Variants in SIN3A observed in about 807,000 individuals in gnomAD.
SIN3A encodes SIN3 transcription regulator family member A.
A neutral mutation model predicts 146.1 loss-of-function variants in SIN3A; 14 were observed. That is an observed-to-expected ratio of 0.10 (90% confidence interval 0.06 to 0.15). The LOEUF (loss-of-function observed/expected upper bound fraction) is 0.15. Among genes scored for constraint, SIN3A ranks in the 10% least tolerant of loss-of-function variants. The pLI is 1.00. For missense variants in SIN3A, 1,028 were observed against 1,576.0 expected, an observed-to-expected ratio of 0.65 and a Z score of 5.89; for synonymous variants, 572 against 572.0, an observed-to-expected ratio of 1.00 and a Z score of 0.00.
Position 75,412,939 on chromosome 15 carries a change from C to T in SIN3A, c.580G>A (p.Val194Met). The T allele has an allele frequency of 6.2e-7, 1 of 1,613,998 alleles. No homozygotes were observed. The highest frequency in any genetic ancestry group is 8.5e-7 in the Non-Finnish European group (1 of 1,180,006). Residue 194 changes from valine to methionine, a missense_variant, in exon 5 of 21, where the codon GTG becomes ATG. This residue lies in a region of SIN3A where 112 missense variants were observed against 135.7 expected (regional missense o/e 0.83). Transcript: ENST00000394947. ...ACATTCACCATGTCATTGGTTTGCA[C>T]CTCAATTTTGTAGCCAGGGGGCAAG... ...TFLPPGYKIEVQTNDMVNVTT... is the reference protein window; with the variant it reads ...TFLPPGYKIEMQTNDMVNVTT...
intron 17 of SIN3A, among the ~76,000 whole-genome samples, chr15:75,383,630 G>A (rs1349382137): frequency 2.6e-5 from 4 of 151,594 alleles, no homozygotes; most frequent in Non-Finnish European, 5.9e-5. Flanking sequence ...CCGGGTTCAC[G>A]CCATTCTCCT....
intron 1 of SIN3A, among the ~76,000 whole-genome samples, chr15:75,451,013 AC>A (rs1332687103): frequency 4.7e-4 from 67 of 142,070 alleles, no homozygotes; most frequent in African/African-American, 1.2e-3. Context: ...CACGCGGGAG[AC>A]CCCCCCCTAC....
At chr15:75,403,854 C>G (rs2073459518) in intron 9 of SIN3A, among the ~76,000 whole-genome samples, 1 of 152,142 alleles carries the variant, frequency 6.6e-6, no homozygotes, top group Non-Finnish European at 1.5e-5. Flanking sequence ...CCTGTTGCCT[C>G]TCTTAACATG....
At chr15:75,408,064 GAGA>G (rs1026020914) in intron 8 of SIN3A, among the ~76,000 whole-genome samples, 17 of 152,136 alleles carry the variant, frequency 1.1e-4, no homozygotes, top group African/African-American at 4.1e-4. Flanking sequence ...CAAACTTTGT[GAGA>G]AGTAGCACAT....
At chr15:75,413,697 C>T (rs1000513457) in intron 4 of SIN3A, among the ~76,000 whole-genome samples, 1 of 152,112 alleles carries the variant, frequency 6.6e-6, no homozygotes, top group Non-Finnish European at 1.5e-5. Flanking sequence ...GCACCCGCCA[C>T]CATGCCCGGC....
chr15:75,438,320 G>A (rs747833527), intron 1 of SIN3A, among the ~76,000 whole-genome samples: 2 of 151,938 alleles, frequency 1.3e-5, no homozygotes, highest in Admixed American at 6.6e-5. Flanking sequence ...AGCTGAGATC[G>A]CGCCACCGCA....
intron 15 of SIN3A, among the ~76,000 whole-genome samples, chr15:75,391,367 A>G (rs1408332169): frequency 6.6e-6 from 1 of 152,200 alleles, no homozygotes; most frequent in African/African-American, 2.4e-5. Context: ...AATCACCACA[A>G]TGAGATCTAA....
At chr15:75,440,964 A>G (rs1388031372) in intron 1 of SIN3A, among the ~76,000 whole-genome samples, 1 of 143,874 alleles carries the variant, frequency 7.0e-6, no homozygotes, top group Non-Finnish European at 1.5e-5. Flanking sequence ...CCTGGGTGAC[A>G]GAGCGAAGAC....
At chr15:75,375,297 C>A (rs2072834142) in intron 20 of SIN3A, among the ~76,000 whole-genome samples, 1 of 152,144 alleles carries the variant, frequency 6.6e-6, no homozygotes, top group South Asian at 2.1e-4. Flanking sequence ...CACACACACA[C>A]AGGTAGGAAC....
intron 10 of SIN3A, 127 bp downstream of exon 10, chr15:75,401,725 G>C: frequency 1.6e-6 from 1 of 633,444 alleles, no homozygotes; most frequent in Admixed American, 2.8e-5. Context: ...GGACTCTTCT[G>C]GCACTAACAT....
intron 5 of SIN3A, 89 bp downstream of exon 5, chr15:75,412,674 T>G: frequency 7.9e-7 from 1 of 1,267,432 alleles, no homozygotes; most frequent in Non-Finnish European, 1.1e-6. Context: ...TGTTTCTCAG[T>G]ATCTAAGTCT....
At chr15:75,386,242 G>A (rs2073074548) in intron 16 of SIN3A, among the ~76,000 whole-genome samples, 1 of 152,190 alleles carries the variant, frequency 6.6e-6, no homozygotes, top group Non-Finnish European at 1.5e-5. Context: ...TGCCCAGTCT[G>A]ATCTCAAACT....
At chr15:75,422,427 TCATACAGTCCA>T in intron 3 of SIN3A, 4 of 621,202 alleles carry the variant, frequency 6.4e-6, no homozygotes, top group Non-Finnish European at 1.2e-5. Flanking sequence ...CGACATGCAT[TCATACAGTCCA>T]CAAACATTTG....
At chr15:75,448,175 T>TAA (rs59766455) in intron 1 of SIN3A, 39 of 133,920 alleles carry the variant, frequency 2.9e-4, no homozygotes, top group Admixed American at 3.1e-4. Context: ...AGACTTCGTC[T>TAA]AAAAAAAAAA....
intron 17 of SIN3A, among the ~76,000 whole-genome samples, chr15:75,382,370 G>T (rs1007435442): frequency 6.6e-6 from 1 of 152,150 alleles, no homozygotes; most frequent in Non-Finnish European, 1.5e-5. Context: ...AGATTTCGGG[G>T]TGGGGGCAGA....
chr15:75,427,864 G>C (rs1011477616), intron 2 of SIN3A, among the ~76,000 whole-genome samples: 2 of 151,798 alleles, frequency 1.3e-5, no homozygotes, highest in Non-Finnish European at 2.9e-5. Context: ...CCAGCTACTC[G>C]GGAGGCTGAG....
chr15:75,421,597 G>C (rs2073841276), intron 3 of SIN3A: 1 of 152,164 alleles, frequency 6.6e-6, no homozygotes, highest in Non-Finnish European at 1.5e-5. Context: ...GAAAACAGAA[G>C]AAACAACTAT....
In SIN3A at chr15:75,371,979, T is replaced by A. The variant is rs2072759818; in HGVS notation, c.3822A>T (p.Ter1274TyrextTer7). Residue 1274 changes from the stop codon to tyrosine, a stop_lost, in exon 21 of 21, where the codon TAA becomes TAT. Coordinates refer to ENST00000394947, the MANE Select transcript of SIN3A (RefSeq NM_001145358.2). ...CAAGTTATCTGCTCTGGCTTTGCAG[T>A]TAAGGGGCTTTGAATACTGTGCCGT... ...VKYGTVFKAP[*>Y] is the part of the protein sequence containing the mutation. 1 of 1,613,556 alleles carries A rather than the reference T, an allele frequency of 6.2e-7. No homozygotes were observed. Among genetic ancestry groups the A allele is most frequent in the South Asian group, 1.1e-5 (1 of 91,076 alleles).
rs1300026431 is a variant in SIN3A, at chr15:75,451,529, G to C, written c.-140C>G. The C allele has an allele frequency of 6.9e-6, 1 of 144,094 alleles. No individual in the cohort carries two copies. The highest frequency in any genetic ancestry group is 1.5e-5 in the Non-Finnish European group (1 of 65,682). 8.9% of individuals were successfully genotyped at this position (144,094 alleles called of 1,614,324 possible). The stretch of plus-strand genomic sequence containing the variant: ...CGCGGGGCACAGGCCCGCCGAAGCG[G>C]ACTGCCAGCTACCTCTCCACTAACG... On this transcript the variant is annotated 5_prime_UTR_variant, in exon 1 of 21. Transcript: ENST00000394947.
Sources: allele counts gnomAD v4.1 joint callset (sites outside exome capture counted in the v4.1 genomes callset), GRCh38; gene constraint gnomAD v4.1.1; regional missense constraint gnomAD v4.1.1; transcripts MANE v1.5; gene names NCBI Gene and HGNC (gene_info 2026-07-23, HGNC 2026-07-21).